ZNF467: variants seen among roughly 807,000 people sequenced by gnomAD.
The protein encoded by ZNF467 is zinc finger protein 467.
ZNF467 carries 51 observed loss-of-function variants against 47.8 expected under a neutral mutation model. The observed-to-expected ratio is 1.07, with a 90% CI of 0.85 to 1.35. The LOEUF is 1.35. Among genes scored for constraint, ZNF467 ranks in the 40% most tolerant of loss-of-function variants. The pLI, the probability that ZNF467 is intolerant of heterozygous loss-of-function variation, is 0.00. For synonymous variants in ZNF467, 416 were observed against 372.9 expected (o/e 1.12, Z -1.33); for missense variants, 992 against 858.1 (o/e 1.16, Z -1.95).
At chr7:149,772,888 C>G (rs1470087980) in intron 1 of ZNF467, among the ~76,000 whole-genome samples, 1 of 128,656 alleles carries the variant, frequency 7.8e-6, no homozygotes, top group Middle Eastern at 3.5e-3. Flanking sequence ...CCAGCCCCCC[C>G]GGTCTCCTCT....
upstream of ZNF467, among the ~76,000 whole-genome samples, chr7:149,775,708 T>TACACACACACACACAC (rs3085320): frequency 3.6e-5 from 5 of 139,008 alleles, no homozygotes; most frequent in African/African-American, 1.1e-4. Context: ...AGTGTGAAAA[T>TACACACACACACACAC]ACACACACAC....
rs1237576383 is a variant in ZNF467, at chr7:149,765,123, G to A, written c.1379C>T (p.Ala460Val). 2 of 1,479,870 alleles carry A rather than the reference G, an allele frequency of 1.4e-6. No homozygotes were observed. Among genetic ancestry groups the A allele is most frequent in the Non-Finnish European group, 1.8e-6 (2 of 1,119,822 alleles). 91.7% of individuals were successfully genotyped at this position (1,479,870 alleles called of 1,614,324 possible). ...PRVHTGERPF[A>V]CTQCDRRFGS... ...GAAGCGGCGGTCACACTGCGTGCAG[G>A]CGAAGGGCCGTTCGCCCGTGTGCAC... is the stretch of plus-strand genomic sequence containing the variant. Residue 460 changes from alanine to valine, a missense_variant, in exon 5 of 5, where the codon GCC becomes GTC. Ala to Val is a moderately conservative substitution (Grantham distance 64). Coordinates refer to ENST00000302017, the MANE Select transcript of ZNF467 (RefSeq NM_207336.3).
intron 1 of ZNF467, among the ~76,000 whole-genome samples, chr7:149,771,673 G>T (rs1008650515): frequency 2.6e-5 from 4 of 151,612 alleles, no homozygotes; most frequent in South Asian, 4.2e-4. Context: ...CACCGCCCCT[G>T]CTGCCCCTTC....
Position 149,764,302 on chromosome 7 carries a change from G to GGGCGCC in ZNF467, c.*411_*412insGGCGCC. 2 of 505,984 alleles carry GGGCGCC rather than the reference G, an allele frequency of 4.0e-6. No individual in the cohort carries two copies. The highest frequency in any genetic ancestry group is 6.9e-6 in the Non-Finnish European group (2 of 288,474). The allele number at this position is 505,984 out of a possible 1,614,324, so 31.3% of individuals were successfully genotyped here. A position where few individuals can be genotyped will look rare whatever the true frequency, so the allele number is the denominator to read the frequency against. On this transcript the variant is annotated 3_prime_UTR_variant, in exon 5 of 5. Transcript: ENST00000302017. ...GGGTGGTCTGTGTGTGGATGGAGGT[G>GGGCGCC]GGACAGTGGCTAAGGAGAGTCAGGT...
In ZNF467 at chr7:149,764,981, C is replaced by T. The variant is rs577003748; in HGVS notation, c.1521G>A (p.Ala507=). The change falls in exon 5 of 5, where the codon GCG becomes GCA. Residue 507 remains alanine, a synonymous_variant. Coordinates refer to ENST00000302017, the MANE Select transcript of ZNF467 (RefSeq NM_207336.3). ...SRKSHLGRHQ[A]VHTGSRPHAC... ...CGTGGGGGCGGCTGCCAGTGTGCACCGCCTGGTGGCGGCCCAGGTGCGACT... is the reference window on the plus strand; with the variant it reads ...CGTGGGGGCGGCTGCCAGTGTGCACTGCCTGGTGGCGGCCCAGGTGCGACT... The T allele has an allele frequency of 6.3e-7, 1 of 1,591,416 alleles. No individual in the cohort carries two copies. Among genetic ancestry groups the T allele is most frequent in the Non-Finnish European group, 8.5e-7 (1 of 1,174,680 alleles).
chr7:149,764,598 C>T lies in ZNF467; in HGVS notation c.*116G>A, dbSNP rs1367245856. On this transcript the variant is annotated 3_prime_UTR_variant, in exon 5 of 5. Transcript: ENST00000302017. The stretch of plus-strand genomic sequence containing the variant: ...GACACTGCGGGAAGGAAACAGGTGT[C>T]CCGCGGCGGCCAAACCTTCGGGCAG... 3 of 1,530,196 alleles carry T rather than the reference C, an allele frequency of 2.0e-6. No homozygotes were observed. The highest frequency in any genetic ancestry group is 1.2e-5 in the South Asian group (1 of 83,786). 94.8% of individuals were successfully genotyped at this position (1,530,196 alleles called of 1,614,324 possible). A position where few individuals can be genotyped will look rare whatever the true frequency, so the allele number is the denominator to read the frequency against.
At position 149,771,094 on chromosome 7, in the gene ZNF467, T is replaced by C. The variant is rs1799391945; in HGVS notation, c.-42-20A>G. ...CAGAACCTATGGAGAAAAGACAGCCTTGTTCAGATTTTTCCCACGCCAGCT... is the reference window on the plus strand; with the variant it reads ...CAGAACCTATGGAGAAAAGACAGCCCTGTTCAGATTTTTCCCACGCCAGCT... On this transcript the variant is annotated intron_variant, in intron 1 of 4. Coordinates refer to ENST00000302017, the MANE Select transcript of ZNF467 (RefSeq NM_207336.3). 5 of 1,610,384 alleles carry C rather than the reference T, an allele frequency of 3.1e-6. No individual in the cohort carries two copies. In the South Asian group the frequency reaches 5.5e-5, roughly 18 times the overall value.
Position 149,769,907 on chromosome 7 carries a change from G to A in ZNF467, c.151+533C>T, listed in dbSNP as rs1365651260. 1.3e-5 allele frequency among the ~76,000 whole-genome samples: 2 copies of A among 152,086 alleles called. No individual in the cohort carries two copies. The highest frequency in any genetic ancestry group is 2.1e-4 in the South Asian group (1 of 4,822). ...GTTGCCTAGGCTGGTCTCGAATGGG[G>A]CTCAAGCAATCCTTCCACCTTGGCC... On this transcript the variant is annotated intron_variant, in intron 3 of 4. Coordinates refer to ENST00000302017, the MANE Select transcript of ZNF467 (RefSeq NM_207336.3). The surrounding 1 kb of genome is among the most constrained non-coding windows in gnomAD (Gnocchi z 5.3).
At position 149,764,748 on chromosome 7, in the gene ZNF467, G is replaced by A. The variant is rs1799098039; in HGVS notation, c.1754C>T (p.Pro585Leu). The A allele has an allele frequency of 1.9e-6, 3 of 1,543,988 alleles. No homozygotes were observed. The highest frequency in any genetic ancestry group is 1.4e-5 in the African/African-American group (1 of 73,004). The part of the protein sequence containing the change: ...AALAAPAWSA[P>L]PEVAPPPLFF ...GAGCGGGGGCGGCGCCACCTCGGGGGGAGCGGACCAGGCTGGGGCCGCAAG... is the reference window on the plus strand; with the variant it reads ...GAGCGGGGGCGGCGCCACCTCGGGGAGAGCGGACCAGGCTGGGGCCGCAAG... Residue 585 changes from proline to leucine, a missense_variant, in exon 5 of 5, where the codon CCC (proline) becomes CTC (leucine). By Grantham distance (98) the Pro-to-Leu change is moderately conservative (BLOSUM62 -3). Transcript: ENST00000302017.
At position 149,764,761 on chromosome 7, in the gene ZNF467, C is replaced by A; in HGVS notation, c.1741G>T (p.Ala581Ser). ...GCCACCTCGGGGGGAGCGGACCAGGCTGGGGCCGCAAGGGCGGCGTCCGGG... is the reference window on the plus strand; with the variant it reads ...GCCACCTCGGGGGGAGCGGACCAGGATGGGGCCGCAAGGGCGGCGTCCGGG... The part of the protein sequence containing the change: ...AAPDAALAAP[A>S]WSAPPEVAPP... Residue 581 changes from alanine (A) to serine (S), a missense_variant, in exon 5 of 5, where the codon GCC (alanine) becomes TCC (serine). Coordinates refer to ENST00000302017, the MANE Select transcript of ZNF467 (RefSeq NM_207336.3). 6.5e-7 allele frequency: 1 copy of A among 1,530,648 alleles called. No individual in the cohort carries two copies. Among genetic ancestry groups the A allele is most frequent in the Non-Finnish European group, 8.8e-7 (1 of 1,138,486 alleles). 94.8% of individuals were successfully genotyped at this position (1,530,648 alleles called of 1,614,324 possible). A position where few individuals can be genotyped will look rare whatever the true frequency, so the allele number is the denominator to read the frequency against.
chr7:149,775,172 A>C (rs1190814526), upstream of ZNF467, among the ~76,000 whole-genome samples: 1 of 152,138 alleles, frequency 6.6e-6, no homozygotes, highest in Non-Finnish European at 1.5e-5. Context: ...GGGTCCTCTC[A>C]TTCCTCAGCA....
rs1361996347 is a variant in ZNF467, at chr7:149,765,979, A to G, written c.523T>C (p.Leu175=). The G allele has an allele frequency of 1.3e-6, 2 of 1,555,452 alleles. No individual in the cohort carries two copies. Among genetic ancestry groups the G allele is most frequent in the Middle Eastern group, 1.7e-4 (1 of 5,946 alleles). Residue 175 remains leucine (L), a synonymous_variant, in exon 5 of 5, where the codon TTG becomes CTG. Transcript: ENST00000302017. ...CGGTGCAGCCGCTGGTGCAGTCGCA[A>G]CGTCAGCTGGTCCCGGAAGCGCCGC... ...CERRFRDQLT[L]RLHQRLHRGE... is the part of the protein sequence containing the mutation.
rs770755968 is a variant in ZNF467, at chr7:149,765,001, G to C, written c.1501C>G (p.His501Asp). The C allele has an allele frequency of 2.7e-5, 43 of 1,588,370 alleles. No individual in the cohort carries two copies. In the East Asian group the frequency reaches 8.8e-4, roughly 33 times the overall value. ...TGCACCGCCTGGTGGCGGCCCAGGT[G>C]CGACTTGCGGCTGAAGCGGCGGCCG... ...QCGRRFSRKS[H>D]LGRHQAVHTG... The change falls in exon 5 of 5, where the codon CAC becomes GAC. Residue 501 changes from histidine (H) to aspartate (D), a missense_variant. His to Asp is a moderately conservative substitution (Grantham distance 81). Coordinates refer to ENST00000302017, the MANE Select transcript of ZNF467 (RefSeq NM_207336.3).
At chr7:149,768,556 C>T (rs1799290714) in intron 4 of ZNF467, among the ~76,000 whole-genome samples, 1 of 152,230 alleles carries the variant, frequency 6.6e-6, no homozygotes, top group East Asian at 1.9e-4. Flanking sequence ...AAATGATATC[C>T]CTCAGGCAAA....
rs1799303828 is a variant in ZNF467, at chr7:149,769,014, T to C, written c.262+76A>G. 1 of 1,296,876 alleles carries C rather than the reference T, an allele frequency of 7.7e-7. No individual in the cohort carries two copies. The highest frequency in any genetic ancestry group is 1.0e-6 in the Non-Finnish European group (1 of 957,490). 80.3% of individuals were successfully genotyped at this position (1,296,876 alleles called of 1,614,324 possible). On this transcript the variant is annotated intron_variant, in intron 4 of 4. Coordinates refer to ENST00000302017, the MANE Select transcript of ZNF467 (RefSeq NM_207336.3). The surrounding 1 kb of genome is among the most constrained non-coding windows in gnomAD (Gnocchi z 5.3). Reference sequence around the variant, plus strand: ...TTGGGGGATTACCTGCCTCATGAGATAGCAGCTCCGGAGCTTGCTGGGCCC... The same window carrying C: ...TTGGGGGATTACCTGCCTCATGAGACAGCAGCTCCGGAGCTTGCTGGGCCC...
intron 1 of ZNF467, among the ~76,000 whole-genome samples, chr7:149,771,799 C>G (rs991415492): frequency 6.7e-6 from 1 of 149,002 alleles, no homozygotes; most frequent in Non-Finnish European, 1.5e-5. Flanking sequence ...TCCGCCCTCT[C>G]TCCCCTGCGA....
chr7:149,776,029 G>T, upstream of ZNF467: 1 of 1,364,866 alleles, frequency 7.3e-7, no homozygotes, highest in Non-Finnish European at 9.8e-7. Context: ...GGTGCCCTGG[G>T]GGTGAGGGCA....
Position 149,769,070 on chromosome 7 carries a change from G to T in ZNF467, c.262+20C>A. The T allele has an allele frequency of 1.3e-6, 2 of 1,530,354 alleles. No homozygotes were observed. The highest frequency in any genetic ancestry group is 2.5e-5 in the East Asian group (1 of 40,694). 94.8% of individuals were successfully genotyped at this position (1,530,354 alleles called of 1,614,324 possible). On this transcript the variant is annotated intron_variant, in intron 4 of 4. Coordinates refer to ENST00000302017, the MANE Select transcript of ZNF467 (RefSeq NM_207336.3). The surrounding 1 kb of genome is among the most constrained non-coding windows in gnomAD (Gnocchi z 5.3). ...CCTTGGCCTGAGCCCGTGGTGGGAT[G>T]AAGTGATGGGAAGACTCACCTGGGC...
upstream of ZNF467, chr7:149,776,359 T>A: frequency 2.9e-6 from 4 of 1,362,508 alleles, no homozygotes; most frequent in Non-Finnish European, 3.9e-6. Flanking sequence ...GTGGTGTGAG[T>A]GGACAGAGAC....
Sources: allele counts gnomAD v4.1 joint callset (sites outside exome capture counted in the v4.1 genomes callset), GRCh38; gene constraint gnomAD v4.1.1; non-coding constraint Gnocchi (gnomAD v3.1); transcripts MANE v1.5; gene names NCBI Gene and HGNC (gene_info 2026-07-23, HGNC 2026-07-21).